Variants in CSGALNACT2 observed in about 807,000 individuals in gnomAD.
The protein encoded by CSGALNACT2 is chondroitin sulfate N-acetylgalactosaminyltransferase 2.
Under a neutral mutation model 55.3 loss-of-function variants are expected in CSGALNACT2, and 35 were observed. The ratio of observed to expected loss-of-function variants is 0.63; its 90% CI spans 0.48 to 0.84. CSGALNACT2 has a LOEUF of 0.84. CSGALNACT2 is among the 40% of genes least tolerant of loss of function. The pLI is 0.00. For synonymous variants in CSGALNACT2, 196 were observed against 224.9 expected (o/e 0.87, Z 1.15); for missense variants, 544 against 657.5 (o/e 0.83, Z 1.89).
chr10:43,155,390 C>T lies in CSGALNACT2; in HGVS notation c.241C>T (p.Gln81Ter). ...RATSLKRQIA[Q>*]LKQELQEMSE... ...AACCAGTCTGAAACGCCAAATTGCC[C>T]AACTAAAACAAGAATTACAAGAAAT... is the stretch of plus-strand genomic sequence containing the variant. The change falls in exon 2 of 8, where the codon CAA becomes TAA. Residue 81 changes from glutamine (Q) to a stop codon, truncating the protein, a stop_gained. Transcript: ENST00000374466. LOFTEE classifies it high-confidence loss of function. 2 of 1,614,012 alleles carry T rather than the reference C, an allele frequency of 1.2e-6. No individual in the cohort carries two copies. Among genetic ancestry groups the T allele is most frequent in the Non-Finnish European group, 1.7e-6 (2 of 1,180,004 alleles).
At chr10:43,164,856 A>AAT (rs1283981350) in intron 5 of CSGALNACT2, among the ~76,000 whole-genome samples, 1 of 152,084 alleles carries the variant, frequency 6.6e-6, no homozygotes, top group Non-Finnish European at 1.5e-5. Flanking sequence ...AAAAAAAAAA[A>AAT]AAAAAATTAA....
intron 6 of CSGALNACT2, among the ~76,000 whole-genome samples, chr10:43,172,562 G>C (rs780443234): frequency 2.6e-5 from 4 of 152,152 alleles, no homozygotes; most frequent in Admixed American, 1.3e-4. Context: ...GAGGCTGGGT[G>C]ATGTGGCTCC....
chr10:43,174,410 G>T (rs988207206), intron 6 of CSGALNACT2, among the ~76,000 whole-genome samples: 2 of 152,110 alleles, frequency 1.3e-5, no homozygotes, highest in African/African-American at 2.4e-5. Context: ...GAATTTCTGT[G>T]TAGGTGCCTT....
chr10:43,171,115 A>T (rs1839373253), intron 6 of CSGALNACT2, among the ~76,000 whole-genome samples: 1 of 152,208 alleles, frequency 6.6e-6, no homozygotes, highest in South Asian at 2.1e-4. Context: ...AAATAGTAAT[A>T]TAGCAATGAT....
intron 7 of CSGALNACT2, among the ~76,000 whole-genome samples, chr10:43,176,843 A>G (rs918110187): frequency 1.3e-5 from 2 of 152,232 alleles, no homozygotes; most frequent in African/African-American, 4.8e-5. Context: ...CTGGGATTGC[A>G]GGCGTGAGCC....
intron 1 of CSGALNACT2, among the ~76,000 whole-genome samples, chr10:43,147,402 G>C (rs969770489): frequency 6.6e-6 from 1 of 151,996 alleles, no homozygotes; most frequent in Non-Finnish European, 1.5e-5. Context: ...TTTATAAGAC[G>C]CATGCTTTGC....
Position 43,184,872 on chromosome 10 carries a change from T to G in CSGALNACT2, c.*1330T>G, listed in dbSNP as rs537006980. On this transcript the variant is annotated 3_prime_UTR_variant, in exon 8 of 8. Transcript: ENST00000374466. ...ATTCACTGAAGAAAAATCATTACTC[T>G]TTTTCTCAGTAAATCATATCATCTG... 2.6e-5 allele frequency: 4 copies of G among 152,296 alleles called. No homozygotes were observed. The highest frequency in any genetic ancestry group is 9.6e-5 in the African/African-American group (4 of 41,572). The allele number at this position is 152,296 out of a possible 1,614,324, so 9.4% of individuals were successfully genotyped here. A position where few individuals can be genotyped will look rare whatever the true frequency, so the allele number is the denominator to read the frequency against.
chr10:43,143,908 A>G (rs2133089840), intron 1 of CSGALNACT2, among the ~76,000 whole-genome samples: 1 of 152,350 alleles, frequency 6.6e-6, no homozygotes, highest in Middle Eastern at 3.4e-3. Context: ...CACTTATTCA[A>G]TAACATGTTG....
At chr10:43,181,530 G>A (rs1360587222) in intron 7 of CSGALNACT2, among the ~76,000 whole-genome samples, 1 of 152,120 alleles carries the variant, frequency 6.6e-6, no homozygotes, top group Admixed American at 6.5e-5. Context: ...ATCAGACATA[G>A]CATTTAGTAA....
intron 1 of CSGALNACT2, among the ~76,000 whole-genome samples, chr10:43,150,979 A>G (rs1838862987): frequency 6.6e-6 from 1 of 152,158 alleles, no homozygotes; most frequent in African/African-American, 2.4e-5. Flanking sequence ...CTAATCTGCC[A>G]TTAATCCCAT....
At chr10:43,139,212 A>C (rs1319772547) in intron 1 of CSGALNACT2, among the ~76,000 whole-genome samples, 1 of 152,226 alleles carries the variant, frequency 6.6e-6, no homozygotes, top group Non-Finnish European at 1.5e-5. Context: ...TTTCACCGTC[A>C]TTCAAGGCTC....
intron 1 of CSGALNACT2, among the ~76,000 whole-genome samples, chr10:43,143,291 G>T (rs1245689470): frequency 6.6e-6 from 1 of 152,210 alleles, no homozygotes; most frequent in Non-Finnish European, 1.5e-5. Context: ...AATGTCTTCA[G>T]TTAATTTAAC....
intron 1 of CSGALNACT2, among the ~76,000 whole-genome samples, chr10:43,145,851 C>A (rs1460913500): frequency 6.6e-6 from 1 of 152,178 alleles, no homozygotes; most frequent in African/African-American, 2.4e-5. Context: ...AGGGGATTTA[C>A]AGACCTGGTC....
intron 1 of CSGALNACT2, among the ~76,000 whole-genome samples, chr10:43,140,130 G>A (rs1403670201): frequency 4.6e-5 from 7 of 152,210 alleles, no homozygotes; most frequent in East Asian, 3.9e-4. Flanking sequence ...AGCCGAGATC[G>A]TGCCACTGCA....
chr10:43,160,526 A>G lies in CSGALNACT2; in HGVS notation c.911A>G (p.His304Arg). 6.3e-7 allele frequency: 1 copy of G among 1,586,150 alleles called. No homozygotes were observed. The highest frequency in any genetic ancestry group is 8.6e-7 in the Non-Finnish European group (1 of 1,156,346). ...TGTATTCATCAAGACAAGAAGATTC[A>G]TCTCACAGTGGTGTATTTTGGTAAA... is the stretch of plus-strand genomic sequence containing the variant. ...DVCIHQDKKI[H>R]LTVVYFGKEG... Residue 304 changes from histidine to arginine, a missense_variant, in exon 4 of 8, where the codon CAT becomes CGT. Physicochemically the swap from His to Arg is conservative, Grantham distance 29. Around this residue, in one of 2 missense-constraint regions of CSGALNACT2, gnomAD observed 374 missense variants for 401.3 expected, o/e 0.93. Coordinates refer to ENST00000374466, the MANE Select transcript of CSGALNACT2 (RefSeq NM_018590.5).
chr10:43,176,979 C>T (rs1000066534), intron 7 of CSGALNACT2, among the ~76,000 whole-genome samples: 6 of 152,240 alleles, frequency 3.9e-5, no homozygotes, highest in Admixed American at 1.3e-4. Context: ...TACCTTTCTA[C>T]AGCATAGAAG....
intron 4 of CSGALNACT2, chr10:43,163,392 A>G (rs1168037808): frequency 1.6e-6 from 1 of 622,954 alleles, no homozygotes; most frequent in East Asian, 1.4e-4. Flanking sequence ...AAAACAGCTG[A>G]GGAAGAGGAT....
At chr10:43,170,299 C>T (rs1554823597) in intron 6 of CSGALNACT2, among the ~76,000 whole-genome samples, 3 of 152,168 alleles carry the variant, frequency 2.0e-5, no homozygotes, top group African/African-American at 2.4e-5. Context: ...ATACTATTCT[C>T]CAATCAAACG....
At chr10:43,142,993 T>C (rs1401580803) in intron 1 of CSGALNACT2, among the ~76,000 whole-genome samples, 1 of 152,226 alleles carries the variant, frequency 6.6e-6, no homozygotes, top group African/African-American at 2.4e-5. Flanking sequence ...ATGCTTGTCA[T>C]GTTTTACTTG....
Sources: allele counts gnomAD v4.1 joint callset (sites outside exome capture counted in the v4.1 genomes callset), GRCh38; gene constraint gnomAD v4.1.1; regional missense constraint gnomAD v4.1.1; transcripts MANE v1.5; gene names NCBI Gene and HGNC (gene_info 2026-07-23, HGNC 2026-07-21).